Variants in DCC observed in about 807,000 individuals in gnomAD.
DCC encodes the protein DCC netrin 1 receptor.
A neutral mutation model predicts 172.5 loss-of-function variants in DCC; 58 were observed. The observed-to-expected ratio is 0.34, with a 90% CI of 0.27 to 0.42. DCC has a LOEUF of 0.42. DCC is among the 10% of genes least tolerant of loss of function. The pLI, the probability that DCC is intolerant of heterozygous loss-of-function variation, is 1.00. For synonymous variants in DCC, 709 were observed against 644.5 expected (o/e 1.10, Z -1.52); for missense variants, 1,740 against 1,791.0 (o/e 0.97, Z 0.51).
At chr18:53,506,245 T>C (rs916081212) in intron 27 of DCC, among the ~76,000 whole-genome samples, 3 of 152,174 alleles carry the variant, frequency 2.0e-5, no homozygotes, top group African/African-American at 7.2e-5. Context: ...AGCCAGAATT[T>C]GACTGCAGTT....
chr18:52,523,505 C>A (rs1238485167), intron 1 of DCC, among the ~76,000 whole-genome samples: 2 of 151,948 alleles, frequency 1.3e-5, no homozygotes, highest in African/African-American at 4.8e-5. Flanking sequence ...TTAGAAAAAT[C>A]AAAAAATATA....
chr18:52,448,077 A>G (rs1198892707), intron 1 of DCC, among the ~76,000 whole-genome samples: 1 of 152,140 alleles, frequency 6.6e-6, no homozygotes, highest in Non-Finnish European at 1.5e-5. Context: ...GCCTGTTAGG[A>G]ACCGGGCCGC....
intron 22 of DCC, among the ~76,000 whole-genome samples, chr18:53,435,645 C>T (rs1352282188): frequency 6.6e-6 from 1 of 152,136 alleles, no homozygotes; most frequent in Non-Finnish European, 1.5e-5. Flanking sequence ...TTTTTGCCTG[C>T]AGGGTACATT....
intron 7 of DCC, among the ~76,000 whole-genome samples, chr18:53,105,076 T>A (rs2043225345): frequency 1.3e-5 from 2 of 152,052 alleles, no homozygotes; most frequent in South Asian, 4.1e-4. Flanking sequence ...TTTGGAGATT[T>A]GTAAATTAAA....
intron 13 of DCC, among the ~76,000 whole-genome samples, chr18:53,320,054 AC>A (rs1162500512): frequency 1.4e-5 from 2 of 146,716 alleles, no homozygotes; most frequent in African/African-American, 5.1e-5. Context: ...TTAAACTTCT[AC>A]ATAACGCAAG....
chr18:52,686,030 G>A (rs2035827693), intron 1 of DCC, among the ~76,000 whole-genome samples: 1 of 152,148 alleles, frequency 6.6e-6, no homozygotes, highest in African/African-American at 2.4e-5. Flanking sequence ...GTACAGGACA[G>A]TCTACTGTGA....
At chr18:53,239,481 A>G (rs2056256603) in intron 12 of DCC, among the ~76,000 whole-genome samples, 1 of 152,054 alleles carries the variant, frequency 6.6e-6, no homozygotes, top group South Asian at 2.1e-4. Context: ...AAAGGCCAGG[A>G]TGAGAGATGA....
At chr18:52,571,058 T>A (rs984359073) in intron 1 of DCC, among the ~76,000 whole-genome samples, 4 of 152,214 alleles carry the variant, frequency 2.6e-5, no homozygotes, top group Admixed American at 6.5e-5. Context: ...TTGACTCTGT[T>A]TTTATGCCAC....
At chr18:53,028,185 A>G (rs1411477191) in intron 5 of DCC, among the ~76,000 whole-genome samples, 9 of 152,262 alleles carry the variant, frequency 5.9e-5, no homozygotes, top group South Asian at 2.1e-4. Context: ...AATGCTATCA[A>G]TGGTAATTGG....
rs1984804283 is a variant in DCC, at chr18:52,365,461, C to T, written c.91+24583C>T. ...TAATATCTCTGGAAAAAAGAATTCC[C>T]TTTTTCTCTATCTTAACATATAGAA... On this transcript the variant is annotated intron_variant, in intron 1 of 28. Transcript: ENST00000442544. 2.0e-5 allele frequency among the ~76,000 whole-genome samples: 3 copies of T among 152,050 alleles called. No individual in the cohort carries two copies. In the South Asian group the frequency reaches 6.2e-4, roughly 32 times the overall value.
At chr18:52,496,905 A>C (rs1049511979) in intron 1 of DCC, among the ~76,000 whole-genome samples, 5 of 152,056 alleles carry the variant, frequency 3.3e-5, no homozygotes, top group Non-Finnish European at 7.4e-5. Context: ...ACATGAAAAA[A>C]AACAGATTTG....
chr18:52,966,245 A>T (rs1353612849), intron 5 of DCC, among the ~76,000 whole-genome samples: 1 of 152,198 alleles, frequency 6.6e-6, no homozygotes, highest in Admixed American at 6.5e-5. Context: ...ATTGCTTATA[A>T]ACTCTGCTAA....
intron 1 of DCC, among the ~76,000 whole-genome samples, chr18:52,476,627 C>T (rs8093255): frequency 0.6 from 91,838 of 151,980 alleles, 27,864 homozygotes; most frequent in Middle Eastern, 0.66. Flanking sequence ...AAGACACTGC[C>T]TTGAATGAAC....
chr18:53,438,922 G>C (rs923817749), intron 22 of DCC, among the ~76,000 whole-genome samples: 16 of 152,328 alleles, frequency 1.1e-4, no homozygotes, highest in Middle Eastern at 3.4e-3. Context: ...CAGTAGCTTT[G>C]AAGCAGTTTA....
At chr18:52,382,907 T>C (rs983599231) in intron 1 of DCC, among the ~76,000 whole-genome samples, 1 of 152,154 alleles carries the variant, frequency 6.6e-6, no homozygotes, top group African/African-American at 2.4e-5. Context: ...CACTCTTATA[T>C]TGTATGTCAT....
chr18:52,794,550 G>T (rs1359852491), intron 2 of DCC, among the ~76,000 whole-genome samples: 1 of 151,714 alleles, frequency 6.6e-6, no homozygotes, highest in Non-Finnish European at 1.5e-5. Flanking sequence ...GAGTCTTTAG[G>T]TTTTTCTATA....
At chr18:53,321,102 A>G (rs1227676646) in intron 13 of DCC, among the ~76,000 whole-genome samples, 2 of 152,198 alleles carry the variant, frequency 1.3e-5, no homozygotes, top group Non-Finnish European at 2.9e-5. Context: ...TATGCAAAAA[A>G]TCTTCAAATA....
intron 12 of DCC, among the ~76,000 whole-genome samples, chr18:53,270,578 C>G (rs968312324): frequency 6.6e-6 from 1 of 151,928 alleles, no homozygotes; most frequent in East Asian, 1.9e-4. Context: ...GAGGTTTTAC[C>G]CTAATATGTT....
At chr18:52,895,974 G>A (rs1421743565) in intron 2 of DCC, among the ~76,000 whole-genome samples, 1 of 152,028 alleles carries the variant, frequency 6.6e-6, no homozygotes, top group African/African-American at 2.4e-5. Flanking sequence ...TAGTTGAGTC[G>A]AGGTTTCACC....
Sources: gnomAD v4.1 joint callset for allele counts (sites outside exome capture counted in the v4.1 genomes callset) on GRCh38, gnomAD v4.1.1 for gene constraint, MANE v1.5 for transcripts, NCBI Gene and HGNC (gene_info 2026-07-23, HGNC 2026-07-21) for gene names.